Variants in DMD observed in about 807,000 individuals in gnomAD.
DMD encodes the protein mutant dystrophin.
In DMD, 63 loss-of-function variants were observed where a neutral mutation model predicts 330.1. The ratio of observed to expected loss-of-function variants is 0.19; its 90% CI spans 0.16 to 0.24. The LOEUF (loss-of-function observed/expected upper bound fraction) is 0.24, where lower values mean the gene tolerates loss of function less well. DMD is among the 10% of genes least tolerant of loss of function. The pLI, the probability that DMD is intolerant of heterozygous loss-of-function variation, is 1.00. For synonymous variants in DMD, 1,223 were observed against 959.8 expected, an observed-to-expected ratio of 1.27 and a Z score of -5.07; for missense variants, 3,344 against 2,684.1, an observed-to-expected ratio of 1.25 and a Z score of -5.43.
chrX:31,991,549 G>A (rs112547031), intron 44 of DMD, among the ~76,000 whole-genome samples: 2,004 of 110,155 alleles, frequency 0.018, 52 homozygotes, highest in African/African-American at 0.056. Flanking sequence ...GCGGTCATAC[G>A]GAGATATCCA....
At chrX:33,229,485 G>T (rs2052351996) in intron 1 of DMD, among the ~76,000 whole-genome samples, 2 of 111,469 alleles carry the variant, frequency 1.8e-5, no homozygotes, top group Non-Finnish European at 3.8e-5. Flanking sequence ...CACACTATTT[G>T]TTGAAAAGGC....
At chrX:31,891,212 C>T (rs1161366591) in intron 47 of DMD, among the ~76,000 whole-genome samples, 1 of 111,667 alleles carries the variant, frequency 9.0e-6, no homozygotes, top group African/African-American at 3.3e-5. Flanking sequence ...TGTAGCTTTA[C>T]TAGCTGTGTG....
intron 18 of DMD, among the ~76,000 whole-genome samples, chrX:32,514,309 G>A (rs868643578): frequency 1.8e-5 from 2 of 110,983 alleles, no homozygotes; most frequent in African/African-American, 3.3e-5. Context: ...ACTAAAGTAG[G>A]AGATGAAATC....
rs536073565 is a variant in DMD, at chrX:32,927,363, CTTTTTTTT to C, written c.94-77551_94-77544del. On this transcript the variant is annotated intron_variant, in intron 2 of 78. Coordinates refer to ENST00000357033, the MANE Select transcript of DMD (RefSeq NM_004006.3). Reference sequence around the variant, plus strand: ...GGGTAGCAAGTTTCCTTCTTTCTTTCTTTTTTTTTTTTTTTTTTTTTTTTGATGGAATT... The same window carrying C: ...GGGTAGCAAGTTTCCTTCTTTCTTTCTTTTTTTTTTTTTTTTGATGGAATT... Among the ~76,000 whole-genome samples the C allele has an allele frequency of 8.2e-3, 467 of 57,012 alleles. 4 individuals are homozygous for C. The highest frequency in any genetic ancestry group is 0.02 in the Admixed American group (81 of 4,118). 49.5% of individuals were successfully genotyped at this position (57,012 alleles called of 115,157 possible).
At chrX:31,200,980 G>T (rs992723717) in intron 67 of DMD, among the ~76,000 whole-genome samples, 11 of 111,390 alleles carry the variant, frequency 9.9e-5, no homozygotes, top group African/African-American at 3.6e-4. Context: ...AAAATCAAAA[G>T]CCACCTGTTA....
rs1336958226 is a variant in DMD at position 32,983,562 on chromosome X, CACACACACACACAT to C, written c.93+36563_93+36576del. Reference sequence around the variant, plus strand: ...ACACACACACACACACACACACACACACACACACACACATATAGGAACACCGAGAGAAACTGAAT... The same window carrying C: ...ACACACACACACACACACACACACACATAGGAACACCGAGAGAAACTGAAT... On this transcript the variant is annotated intron_variant, in intron 2 of 78. Transcript: ENST00000357033. 2.0e-3 allele frequency among the ~76,000 whole-genome samples: 161 copies of C among 80,619 alleles called. 2 individuals carry two copies. The highest frequency in any genetic ancestry group is 0.016 in the African/African-American group (143 of 9,136). 70.0% of individuals were successfully genotyped at this position (80,619 alleles called of 115,157 possible). A position where few individuals can be genotyped will look rare whatever the true frequency, so the allele number is the denominator to read the frequency against.
intron 54 of DMD, among the ~76,000 whole-genome samples, chrX:31,646,507 T>C (rs2080110717): frequency 9.0e-6 from 1 of 111,499 alleles, no homozygotes; most frequent in Admixed American, 9.6e-5. Flanking sequence ...TCTAGTGAGC[T>C]CATAGGTGAT....
chrX:32,338,589 T>C (rs2097726408), intron 41 of DMD, among the ~76,000 whole-genome samples: 1 of 111,873 alleles, frequency 8.9e-6, no homozygotes, highest in Admixed American at 9.6e-5. Flanking sequence ...CTCTATTTTC[T>C]TCAGGTATAC....
chrX:31,154,186 T>C (rs765964272), intron 74 of DMD, among the ~76,000 whole-genome samples: 25 of 112,431 alleles, frequency 2.2e-4, no homozygotes, highest in Non-Finnish European at 4.5e-4. Flanking sequence ...TATACCATAA[T>C]GTTAGTTTTG....
chrX:32,445,622 C>T (rs2148263232), intron 27 of DMD, among the ~76,000 whole-genome samples: 1 of 110,675 alleles, frequency 9.0e-6, no homozygotes, highest in Admixed American at 9.6e-5. Flanking sequence ...AAGAAGCCAA[C>T]TACCAGGCAG....
chrX:31,841,362 C>A (rs2093315869), intron 48 of DMD, among the ~76,000 whole-genome samples: 1 of 111,811 alleles, frequency 8.9e-6, no homozygotes. Flanking sequence ...CTCTCCGTAA[C>A]ATAAAAGTGA....
At chrX:33,308,081 G>A (rs1256706739) in intron 1 of DMD, among the ~76,000 whole-genome samples, 3 of 112,208 alleles carry the variant, frequency 2.7e-5, no homozygotes, top group Non-Finnish European at 5.6e-5. Context: ...CTACCAATGC[G>A]CAGTTGATTT....
At chrX:32,162,541 C>A in intron 44 of DMD, among the ~76,000 whole-genome samples, 1 of 107,180 alleles carries the variant, frequency 9.3e-6, no homozygotes, top group Non-Finnish European at 1.9e-5. Context: ...AGTTTTTGTA[C>A]TGCCTTCCCA....
intron 1 of DMD, among the ~76,000 whole-genome samples, chrX:33,338,861 TCTCA>T (rs2054293961): frequency 8.9e-6 from 1 of 111,803 alleles, no homozygotes; most frequent in Admixed American, 9.5e-5. Flanking sequence ...TTCTCATTTC[TCTCA>T]CTGTCTGAAT....
chrX:31,177,303 TTGTTTATGAGCTGAA>T (rs2040614034), intron 71 of DMD, among the ~76,000 whole-genome samples: 1 of 111,652 alleles, frequency 9.0e-6, no homozygotes, highest in African/African-American at 3.2e-5. Context: ...AAATGTATAA[TTGTTTATGAGCTGAA>T]TATTTAGCTT....
At chrX:33,020,296 G>A (rs2093888848) in intron 1 of DMD, 96 bp from the exon 2 acceptor site, 1 of 589,854 alleles carries the variant, frequency 1.7e-6, no homozygotes, top group South Asian at 2.8e-5. Context: ...ATGTGTTAGT[G>A]TTTTTTTACA....
chrX:32,801,461 C>T lies in DMD; in HGVS notation c.649+8032G>A, dbSNP rs749722557. On this transcript the variant is annotated intron_variant, in intron 7 of 78. Transcript: ENST00000357033. ...CAAAAATTTTCTCCCATCCTATAGG[C>T]TGCCTGTTCACTCTGATGATAGTTT... Among the ~76,000 whole-genome samples the T allele has an allele frequency of 5.4e-5, 6 of 111,656 alleles. No individual in the cohort carries two copies. The South Asian group carries it at 1.9e-3, about 35-fold the overall frequency.
At chrX:32,530,178 C>T (rs2047347263) in intron 17 of DMD, among the ~76,000 whole-genome samples, 1 of 112,192 alleles carries the variant, frequency 8.9e-6, no homozygotes, top group Non-Finnish European at 1.9e-5. Context: ...TCAATTATGG[C>T]ATACCGAATT....
intron 1 of DMD, among the ~76,000 whole-genome samples, chrX:33,030,849 G>A (rs2094097608): frequency 1.8e-5 from 2 of 111,311 alleles, no homozygotes; most frequent in Admixed American, 9.6e-5. Context: ...ATACTTCTTT[G>A]CAAACCAAAA....
Sources: allele counts gnomAD v4.1 joint callset (sites outside exome capture counted in the v4.1 genomes callset), GRCh38; gene constraint gnomAD v4.1.1; transcripts MANE v1.5; gene names NCBI Gene and HGNC (gene_info 2026-07-23, HGNC 2026-07-21).